Variants in JAM3 observed in about 807,000 individuals in gnomAD.
JAM3 encodes junctional adhesion molecule C.
In JAM3, 31 loss-of-function variants were observed where a neutral mutation model predicts 39.4. The observed-to-expected ratio is 0.79, with a 90% confidence interval of 0.59 to 1.06. JAM3 has a LOEUF of 1.06. JAM3 is among the 50% of genes least tolerant of loss of function. The pLI is 0.00. For synonymous variants in JAM3, 182 were observed against 148.7 expected (o/e 1.22, Z -1.63); for missense variants, 455 against 391.4 (o/e 1.16, Z -1.37).
chr11:134,105,452 T>TG (rs1942165614), intron 1 of JAM3, among the ~76,000 whole-genome samples: 1 of 151,994 alleles, frequency 6.6e-6, no homozygotes, highest in Non-Finnish European at 1.5e-5. Flanking sequence ...ACAAGATGGA[T>TG]GCCCTCTCTC....
Position 134,089,377 on chromosome 11 carries a change from T to C in JAM3, c.76+20218T>C, listed in dbSNP as rs537997785. Among the ~76,000 whole-genome samples, 5 of 152,250 alleles carry C rather than the reference T, an allele frequency of 3.3e-5. No individual in the cohort carries two copies. In the East Asian group the frequency reaches 5.8e-4, roughly 18 times the overall value. On this transcript the variant is annotated intron_variant, in intron 1 of 8. Coordinates refer to ENST00000299106, the MANE Select transcript of JAM3 (RefSeq NM_032801.5). ...GCACAGCATGCAGGTTAGTTACATA[T>C]GTATACATGTGCCATGTTGGTGTGC...
chr11:134,125,687 A>G (rs1043732966), intron 1 of JAM3, among the ~76,000 whole-genome samples: 1 of 152,194 alleles, frequency 6.6e-6, no homozygotes, highest in African/African-American at 2.4e-5. Flanking sequence ...GAGACGCAGC[A>G]CAGAATGTGA....
chr11:134,146,712 C>T (rs1249473421), intron 6 of JAM3, among the ~76,000 whole-genome samples: 1 of 152,122 alleles, frequency 6.6e-6, no homozygotes, highest in African/African-American at 2.4e-5. Context: ...GAACAACAGG[C>T]ACACACCACC....
intron 1 of JAM3, among the ~76,000 whole-genome samples, chr11:134,114,607 A>G (rs1942385266): frequency 6.6e-6 from 1 of 152,156 alleles, no homozygotes; most frequent in East Asian, 1.9e-4. Flanking sequence ...TTCTTCTTTG[A>G]CTTACAGATT....
intron 1 of JAM3, among the ~76,000 whole-genome samples, chr11:134,106,183 A>T (rs1479884805): frequency 2.0e-5 from 3 of 152,196 alleles, no homozygotes; most frequent in Non-Finnish European, 4.4e-5. Flanking sequence ...AGCCCTCAGA[A>T]ATAATACCAC....
intron 1 of JAM3, among the ~76,000 whole-genome samples, chr11:134,104,003 C>T (rs1243656994): frequency 3.3e-5 from 5 of 152,268 alleles, no homozygotes; most frequent in Admixed American, 2.6e-4. Context: ...CTGCACCAAG[C>T]GGACATAATA....
chr11:134,077,363 CTT>C (rs71038557), intron 1 of JAM3, among the ~76,000 whole-genome samples: 6 of 141,778 alleles, frequency 4.2e-5, no homozygotes, highest in Admixed American at 7.1e-5. Context: ...TCAAGGATGC[CTT>C]TTTTTTTTTT....
chr11:134,144,690 C>T, intron 4 of JAM3, 102 bp from the exon 5 acceptor site: 1 of 1,096,610 alleles, frequency 9.1e-7, no homozygotes, highest in Non-Finnish European at 1.4e-6. Flanking sequence ...CGTGGGAACC[C>T]CTCGACTGGC....
chr11:134,122,792 A>G (rs1942561714), intron 1 of JAM3, among the ~76,000 whole-genome samples: 1 of 152,254 alleles, frequency 6.6e-6, no homozygotes, highest in Admixed American at 6.5e-5. Flanking sequence ...CATTCACAGT[A>G]CAAGTCCTAA....
intron 1 of JAM3, among the ~76,000 whole-genome samples, chr11:134,085,781 A>G (rs1941738151): frequency 6.6e-6 from 1 of 152,250 alleles, no homozygotes; most frequent in South Asian, 2.1e-4. Flanking sequence ...AACATCATAT[A>G]CATACAAATA....
chr11:134,076,415 A>G (rs1941570955), intron 1 of JAM3, among the ~76,000 whole-genome samples: 1 of 152,098 alleles, frequency 6.6e-6, no homozygotes, highest in Non-Finnish European at 1.5e-5. Context: ...TCGGCCTCCC[A>G]AAGTGCTGGA....
chr11:134,074,327 A>T (rs1941530514), intron 1 of JAM3, among the ~76,000 whole-genome samples: 1 of 152,204 alleles, frequency 6.6e-6, no homozygotes, highest in Non-Finnish European at 1.5e-5. Flanking sequence ...TGTGTAATGA[A>T]AAAAGTTGCA....
chr11:134,148,433 G>C, intron 6 of JAM3, 114 bp from the exon 7 acceptor site: 3 of 1,352,388 alleles, frequency 2.2e-6, no homozygotes, highest in Non-Finnish European at 3.2e-6. Flanking sequence ...GTAGGCCTGA[G>C]GGGGCAGGGG....
intron 1 of JAM3, among the ~76,000 whole-genome samples, chr11:134,082,604 G>A (rs914005696): frequency 1.5e-4 from 23 of 152,136 alleles, no homozygotes; most frequent in African/African-American, 4.8e-4. Context: ...CTTGTCTGCC[G>A]CCGTGTGAGA....
At chr11:134,070,627 C>T (rs1003620257) in intron 1 of JAM3, among the ~76,000 whole-genome samples, 2 of 152,230 alleles carry the variant, frequency 1.3e-5, no homozygotes, top group African/African-American at 4.8e-5. Flanking sequence ...CCAGCACCCG[C>T]TGTGTTGGTC....
chr11:134,125,034 G>A (rs144198962), intron 1 of JAM3, among the ~76,000 whole-genome samples: 1 of 152,330 alleles, frequency 6.6e-6, no homozygotes, highest in Non-Finnish European at 1.5e-5. Context: ...GGTGGCGGCG[G>A]CGCGTCTCCA....
chr11:134,100,157 C>T (rs1010684505), intron 1 of JAM3, among the ~76,000 whole-genome samples: 1 of 152,036 alleles, frequency 6.6e-6, no homozygotes, highest in African/African-American at 2.4e-5. Flanking sequence ...GGTGAATCCC[C>T]CTTTCCTCCT....
chr11:134,130,904 G>C lies in JAM3; in HGVS notation c.77-8947G>C, dbSNP rs144469129. Among the ~76,000 whole-genome samples, 168 of 152,330 alleles carry C rather than the reference G, an allele frequency of 1.1e-3. 1 individual carries two copies. Among genetic ancestry groups the C allele is most frequent in the Admixed American group, 5.4e-3 (83 of 15,300 alleles). ...GCAGGCAGTAAAACCAGTGGGCACT[G>C]CTATTAAAAGCTACAGAGTGACTAT... On this transcript the variant is annotated intron_variant, in intron 1 of 8. Coordinates refer to ENST00000299106, the MANE Select transcript of JAM3 (RefSeq NM_032801.5).
intron 1 of JAM3, among the ~76,000 whole-genome samples, chr11:134,122,872 A>G (rs1942563140): frequency 6.6e-6 from 1 of 152,192 alleles, no homozygotes; most frequent in Non-Finnish European, 1.5e-5. Flanking sequence ...ACAGCCCACA[A>G]TTGTACAGGG....
Sources: allele counts gnomAD v4.1 joint callset (sites outside exome capture counted in the v4.1 genomes callset), GRCh38; gene constraint gnomAD v4.1.1; transcripts MANE v1.5; gene names NCBI Gene and HGNC (gene_info 2026-07-23, HGNC 2026-07-21).